CD44: variants seen among roughly 807,000 people sequenced by gnomAD.
CD44 encodes the protein CD44 molecule (IN blood group).
A neutral mutation model predicts 88.8 loss-of-function variants in CD44; 49 were observed. The ratio of observed to expected loss-of-function variants is 0.55; its 90% CI spans 0.44 to 0.70. The LOEUF (loss-of-function observed/expected upper bound fraction) is 0.70. Among genes scored for constraint, CD44 ranks in the 30% least tolerant of loss-of-function variants. CD44 has a pLI of 0.00. For synonymous variants in CD44, 325 were observed against 312.3 expected (o/e 1.04, Z -0.43); for missense variants, 883 against 913.8 (o/e 0.97, Z 0.43).
intron 5 of CD44, 84 bp from the exon 6 acceptor site, chr11:35,196,662 A>T: frequency 7.2e-7 from 1 of 1,391,212 alleles, no homozygotes; most frequent in South Asian, 1.3e-5. Context: ...CTTGAGTAGT[A>T]AAAGAGTACA....
chr11:35,184,414 A>G (rs1229772511), intron 3 of CD44, among the ~76,000 whole-genome samples: 2 of 152,290 alleles, frequency 1.3e-5, no homozygotes, highest in East Asian at 3.9e-4. Context: ...AGATTGTTTC[A>G]TCCCTGGCAT....
intron 1 of CD44, among the ~76,000 whole-genome samples, chr11:35,148,550 A>G (rs1859668669): frequency 6.6e-6 from 1 of 152,202 alleles, no homozygotes; most frequent in African/African-American, 2.4e-5. Context: ...GCTTTCTCCT[A>G]TTGTTCCCCC....
intron 9 of CD44, 140 bp downstream of exon 9, chr11:35,201,927 C>A: frequency 1.1e-6 from 1 of 928,516 alleles, no homozygotes; most frequent in Non-Finnish European, 1.6e-6. Flanking sequence ...GCCTGAAAAG[C>A]TGCTAAACCC....
chr11:35,167,090 C>A (rs961435097), intron 1 of CD44, among the ~76,000 whole-genome samples: 1 of 152,186 alleles, frequency 6.6e-6, no homozygotes, highest in Non-Finnish European at 1.5e-5. Context: ...GGCTTTGAAG[C>A]CTTCGAACAA....
intron 17 of CD44, chr11:35,222,999 T>A: frequency 3.0e-6 from 3 of 985,406 alleles, no homozygotes; most frequent in Non-Finnish European, 3.6e-6. Flanking sequence ...AGTCTCTAAT[T>A]ATCTGAGAAA....
At chr11:35,197,860 T>C (rs574310371) in intron 6 of CD44, 88 of 383,982 alleles carry the variant, frequency 2.3e-4, no homozygotes, top group African/African-American at 1.7e-3. Context: ...TAAAAACTTA[T>C]ATGGTGAGAT....
At chr11:35,185,114 C>T (rs1945528040) in intron 3 of CD44, among the ~76,000 whole-genome samples, 1 of 151,988 alleles carries the variant, frequency 6.6e-6, no homozygotes, top group African/African-American at 2.4e-5. Flanking sequence ...GTAAGATGAA[C>T]AAGATAAGTT....
At chr11:35,169,842 A>G (rs1187308096) in intron 1 of CD44, among the ~76,000 whole-genome samples, 2 of 152,224 alleles carry the variant, frequency 1.3e-5, no homozygotes, top group East Asian at 1.9e-4. Flanking sequence ...GAGAGAATGC[A>G]TAGTACCTGT....
intron 17 of CD44, among the ~76,000 whole-genome samples, chr11:35,222,046 A>C (rs1591340473): frequency 6.6e-6 from 1 of 152,228 alleles, no homozygotes; most frequent in East Asian, 1.9e-4. Context: ...GTGATTTTAC[A>C]TGTTTTTTAG....
intron 9 of CD44, among the ~76,000 whole-genome samples, chr11:35,202,714 G>T (rs1947432314): frequency 6.6e-6 from 1 of 152,166 alleles, no homozygotes; most frequent in Admixed American, 6.5e-5. Context: ...TCAGGTATCA[G>T]TTAGGATAGA....
At chr11:35,153,245 C>T (rs1183593416) in intron 1 of CD44, among the ~76,000 whole-genome samples, 1 of 152,122 alleles carries the variant, frequency 6.6e-6, no homozygotes, top group African/African-American at 2.4e-5. Context: ...ATGATCTGAT[C>T]AGGACAAGAA....
intron 12 of CD44, 33 bp downstream of exon 12, chr11:35,208,239 C>A: frequency 7.4e-7 from 1 of 1,348,520 alleles, no homozygotes; most frequent in Non-Finnish European, 1.1e-6. Context: ...ACTTTATTGA[C>A]TTGTATTCCT....
chr11:35,211,169 G>GT (rs2134192555), intron 13 of CD44, 77 bp from the exon 14 acceptor site: 1 of 1,083,564 alleles, frequency 9.2e-7, no homozygotes, highest in Non-Finnish European at 1.4e-6. Flanking sequence ...TGCAGCAATT[G>GT]TGTGTTCTGG....
At chr11:35,176,881 C>A in intron 2 of CD44, 141 bp downstream of exon 2, 1 of 717,522 alleles carries the variant, frequency 1.4e-6, no homozygotes, top group Non-Finnish European at 2.3e-6. Flanking sequence ...TTGGCCAAGT[C>A]AATCTGCAAC....
At chr11:35,208,450 T>C (rs1948095902) in intron 12 of CD44, among the ~76,000 whole-genome samples, 1 of 152,222 alleles carries the variant, frequency 6.6e-6, no homozygotes, top group African/African-American at 2.4e-5. Flanking sequence ...TAGGACTCTA[T>C]TCAACTCCAT....
At chr11:35,206,445 T>A (rs919664521) in intron 11 of CD44, among the ~76,000 whole-genome samples, 1 of 152,132 alleles carries the variant, frequency 6.6e-6, no homozygotes, top group Non-Finnish European at 1.5e-5. Flanking sequence ...AGTAAGGAAT[T>A]TAGCAGGAGG....
chr11:35,224,025 T>G (rs1286675164), intron 17 of CD44, among the ~76,000 whole-genome samples: 1 of 152,222 alleles, frequency 6.6e-6, no homozygotes, highest in Non-Finnish European at 1.5e-5. Flanking sequence ...TAAAAGAATC[T>G]TGAGGTTTAG....
chr11:35,206,777 G>T (rs931057698), intron 11 of CD44, among the ~76,000 whole-genome samples: 3 of 152,004 alleles, frequency 2.0e-5, no homozygotes, highest in Admixed American at 6.6e-5. Context: ...CACAAGGGAA[G>T]ATGTGTTTGA....
At position 35,139,442 on chromosome 11, in the gene CD44, C is replaced by A. The variant is rs1024978314; in HGVS notation, c.67+72C>A. 3.7e-6 allele frequency: 5 copies of A among 1,365,858 alleles called. No individual in the cohort carries two copies. The East Asian group carries it at 9.9e-5, about 27-fold the overall frequency. 84.6% of individuals were successfully genotyped at this position (1,365,858 alleles called of 1,614,324 possible). On this transcript the variant is annotated intron_variant, in intron 1 of 17. Coordinates refer to ENST00000428726, the MANE Select transcript of CD44 (RefSeq NM_000610.4). ...CAGCGCGGACCCGGCGGCAGCCCCT[C>A]CGGCTGAGTCGGCCCTGGGGGACTG...
Sources: allele counts gnomAD v4.1 joint callset (sites outside exome capture counted in the v4.1 genomes callset), GRCh38; gene constraint gnomAD v4.1.1; transcripts MANE v1.5; gene names NCBI Gene and HGNC (gene_info 2026-07-23, HGNC 2026-07-21).